The following ACP3 variants were observed in gnomAD, a reference collection of about 807,000 sequenced individuals.
The protein encoded by ACP3 is prostatic acid phosphatase.
In ACP3, 38 loss-of-function variants were observed where a neutral mutation model predicts 45.6. That is an observed-to-expected ratio of 0.83 (90% CI 0.64 to 1.09). ACP3 has a LOEUF of 1.09. Ranked by LOEUF, ACP3 falls within the 50% of genes least tolerant of loss-of-function variation. The probability of loss-of-function intolerance (pLI) is 0.00; values close to 1 mark genes in which losing one functional copy is unlikely to be tolerated. For missense variants in ACP3, 466 were observed against 463.2 expected, an observed-to-expected ratio of 1.01 and a Z score of -0.05; for synonymous variants, 162 against 164.7, an observed-to-expected ratio of 0.98 and a Z score of 0.13.
At chr3:132,359,469 C>T (rs1031202186), downstream of ACP3, among the ~76,000 whole-genome samples, 2 of 152,120 alleles carry the variant, frequency 1.3e-5, no homozygotes, top group African/African-American at 4.8e-5. Flanking sequence ...GATCGCGCCA[C>T]TGCACTCCAG....
At chr3:132,323,291 C>T (rs564468576) in intron 1 of ACP3, among the ~76,000 whole-genome samples, 2 of 152,150 alleles carry the variant, frequency 1.3e-5, no homozygotes, top group South Asian at 2.1e-4. Context: ...AGACCCAATC[C>T]GAGATTCACC....
At chr3:132,326,056 G>A (rs1009268249) in intron 1 of ACP3, among the ~76,000 whole-genome samples, 4 of 152,090 alleles carry the variant, frequency 2.6e-5, no homozygotes, top group Admixed American at 2.6e-4. Flanking sequence ...ACTTCTCTTT[G>A]GCTAACTCAG....
At chr3:132,335,223 A>G (rs929938609) in intron 4 of ACP3, among the ~76,000 whole-genome samples, 2 of 152,370 alleles carry the variant, frequency 1.3e-5, no homozygotes, top group Middle Eastern at 3.4e-3. Flanking sequence ...ACCTGTATAC[A>G]TTCTTCGGTA....
At chr3:132,353,812 C>A (rs1937815829) in intron 9 of ACP3, among the ~76,000 whole-genome samples, 1 of 152,116 alleles carries the variant, frequency 6.6e-6, no homozygotes, top group African/African-American at 2.4e-5. Flanking sequence ...ATTTTGTAGT[C>A]TTGGATGTAG....
In ACP3 at chr3:132,357,698, G is replaced by A; in HGVS notation, c.*820G>A. 1 of 985,314 alleles carries A rather than the reference G, an allele frequency of 1.0e-6. No individual in the cohort carries two copies. The highest frequency in any genetic ancestry group is 1.2e-6 in the Non-Finnish European group (1 of 829,908). The allele number at this position is 985,314 out of a possible 1,614,324, so 61.0% of individuals were successfully genotyped here. ...TCAGGAAAGAGAGCACCACGTGATG[G>A]AGTTTCTCTAGAAGCTCCAGTGATA... is the stretch of plus-strand genomic sequence containing the variant. On this transcript the variant is annotated 3_prime_UTR_variant, in exon 10 of 10. Coordinates refer to ENST00000336375, the MANE Select transcript of ACP3 (RefSeq NM_001099.5).
At chr3:132,338,593 C>T (rs566765423) in intron 5 of ACP3, among the ~76,000 whole-genome samples, 71 of 152,330 alleles carry the variant, frequency 4.7e-4, no homozygotes, top group Non-Finnish European at 7.9e-4. Flanking sequence ...AGAGGTTTTA[C>T]TACTTTCTAC....
chr3:132,345,114 T>C, intron 7 of ACP3, 55 bp downstream of exon 7: 7 of 1,475,246 alleles, frequency 4.7e-6, no homozygotes, highest in Non-Finnish European at 6.5e-6. Context: ...ATGATCCAGG[T>C]CTGAGTCATT....
At position 132,345,006 on chromosome 3, in the gene ACP3, T is replaced by A; in HGVS notation, c.728T>A (p.Leu243His). Residue 243 changes from leucine (L) to histidine (H), a missense_variant, in exon 7 of 10, where the codon CTC (leucine) becomes CAC (histidine). Leu to His is a moderately conservative substitution (Grantham distance 99). Coordinates refer to ENST00000336375, the MANE Select transcript of ACP3 (RefSeq NM_001099.5). ...TKLRELSELSLLSLYGIHKQK... is the reference protein window; with the variant it reads ...TKLRELSELSHLSLYGIHKQK... ...TTGAGAGAATTGTCAGAATTGTCCC[T>A]CCTGTCCCTCTATGGAATTCACAAG... The A allele has an allele frequency of 6.2e-7, 1 of 1,613,888 alleles. No homozygotes were observed. Among genetic ancestry groups the A allele is most frequent in the Non-Finnish European group, 8.5e-7 (1 of 1,179,896 alleles).
chr3:132,351,192 G>A (rs1020044005), intron 8 of ACP3, among the ~76,000 whole-genome samples: 1 of 152,212 alleles, frequency 6.6e-6, no homozygotes, highest in Non-Finnish European at 1.5e-5. Context: ...AGAATAGAAG[G>A]AGGAAAGGGA....
chr3:132,339,084 G>A (rs1937523289), intron 5 of ACP3, among the ~76,000 whole-genome samples: 1 of 151,904 alleles, frequency 6.6e-6, no homozygotes, highest in Admixed American at 6.6e-5. Flanking sequence ...ATGTGTCCGT[G>A]TATTCTCATC....
chr3:132,334,030 C>A (rs930897573), intron 4 of ACP3, among the ~76,000 whole-genome samples: 1 of 152,128 alleles, frequency 6.6e-6, no homozygotes, highest in Admixed American at 6.5e-5. Flanking sequence ...AAGATCGCAC[C>A]GTTGCACTCC....
Position 132,344,958 on chromosome 3 carries a change from CCACTGAGGA to C in ACP3, c.684_692del (p.Glu229_Thr231del). ...CACAATTTCACTTTACCCTCCTGGGCCACTGAGGACACCATGACTAAGTTGAGAGAATTG... is the reference window on the plus strand; with the variant it reads ...CACAATTTCACTTTACCCTCCTGGGCCACCATGACTAAGTTGAGAGAATTG... On this transcript the variant is annotated inframe_deletion, in exon 7 of 10. Transcript: ENST00000336375. The C allele has an allele frequency of 6.2e-7, 1 of 1,613,868 alleles. No homozygotes were observed. The highest frequency in any genetic ancestry group is 8.5e-7 in the Non-Finnish European group (1 of 1,179,870).
chr3:132,355,510 TTTTTA>T (rs1553734473), intron 9 of ACP3, among the ~76,000 whole-genome samples: 3 of 50,826 alleles, frequency 5.9e-5, no homozygotes, highest in Non-Finnish European at 5.7e-5. Context: ...TTTTATTTTA[TTTTTA>T]TTTTATTTTA....
intron 1 of ACP3, 122 bp from the exon 2 acceptor site, chr3:132,328,145 G>A (rs780954030): frequency 6.7e-5 from 43 of 645,088 alleles, no homozygotes; most frequent in Admixed American, 5.6e-4. Flanking sequence ...AACTCCTTAC[G>A]TGATTACAAT....
intron 1 of ACP3, among the ~76,000 whole-genome samples, chr3:132,324,633 A>AT (rs201564093): frequency 7.3e-5 from 11 of 150,716 alleles, no homozygotes; most frequent in East Asian, 3.9e-4. Context: ...AGGAATTATT[A>AT]TTTTTTTTTA....
At chr3:132,361,463 C>T (rs1318389756), downstream of ACP3, among the ~76,000 whole-genome samples, 1 of 152,184 alleles carries the variant, frequency 6.6e-6, no homozygotes, top group Non-Finnish European at 1.5e-5. Context: ...CTCACCATGC[C>T]AATACCTAAG....
intron 5 of ACP3, among the ~76,000 whole-genome samples, chr3:132,341,984 T>G (rs1287058464): frequency 2.0e-5 from 3 of 152,186 alleles, no homozygotes; most frequent in African/African-American, 7.2e-5. Context: ...AGATTTGCAT[T>G]CCATCCAAGT....
At chr3:132,353,494 A>G (rs17242176) in intron 9 of ACP3, among the ~76,000 whole-genome samples, 53,449 of 152,154 alleles carry the variant, frequency 0.35, 9,699 homozygotes, top group Middle Eastern at 0.5. Context: ...TGACAACGAC[A>G]TTCTCATTGG....
At chr3:132,342,672 C>T (rs747168242) in intron 6 of ACP3, 28 bp downstream of exon 6, 2 of 1,350,046 alleles carry the variant, frequency 1.5e-6, no homozygotes, top group East Asian at 2.3e-5. Context: ...CACAGGTTAA[C>T]TTGCAATCTG....
Sources: gnomAD v4.1 joint callset for allele counts (sites outside exome capture counted in the v4.1 genomes callset) on GRCh38, gnomAD v4.1.1 for gene constraint, MANE v1.5 for transcripts, NCBI Gene and HGNC (gene_info 2026-07-23, HGNC 2026-07-21) for gene names.